Variants in GRIK4 observed in about 807,000 individuals in gnomAD.
GRIK4 encodes the protein glutamate receptor ionotropic, kainate 4.
Under a neutral mutation model 104.9 loss-of-function variants are expected in GRIK4, and 40 were observed. The ratio of observed to expected loss-of-function variants is 0.38; its 90% CI spans 0.30 to 0.50. The LOEUF (loss-of-function observed/expected upper bound fraction) is 0.50. Among genes scored for constraint, GRIK4 ranks in the 20% least tolerant of loss-of-function variants. The pLI, the probability that GRIK4 is intolerant of heterozygous loss-of-function variation, is 0.93. For synonymous variants in GRIK4, 485 were observed against 524.9 expected, an observed-to-expected ratio of 0.92 and a Z score of 1.04; for missense variants, 1,047 against 1,308.1, an observed-to-expected ratio of 0.80 and a Z score of 3.08.
intron 11 of GRIK4, among the ~76,000 whole-genome samples, chr11:120,895,447 A>G (rs1235446897): frequency 6.6e-6 from 1 of 152,150 alleles, no homozygotes; most frequent in Non-Finnish European, 1.5e-5. Flanking sequence ...AGACAGGGAA[A>G]CTGAGCCTCT....
intron 1 of GRIK4, among the ~76,000 whole-genome samples, chr11:120,548,992 G>T (rs1948113516): frequency 6.6e-6 from 1 of 152,190 alleles, no homozygotes. Context: ...CTCCAGGCAG[G>T]CCCAGGACAC....
chr11:120,574,837 C>T (rs781265772), intron 1 of GRIK4, among the ~76,000 whole-genome samples: 7 of 152,136 alleles, frequency 4.6e-5, no homozygotes, highest in Non-Finnish European at 1.0e-4. Context: ...AAGAGGTGTC[C>T]CAGACCCAGG....
rs531684086 is a variant in GRIK4 at position 120,896,010 on chromosome 11, G to C, written c.1165-2522G>C. On this transcript the variant is annotated intron_variant, in intron 11 of 20. Transcript: ENST00000527524. ...CTCGGAGAAAGAGAAAGTGCCTTCC[G>C]CCCTAGCCTCACCAACAACAGCAAT... 7.2e-4 allele frequency among the ~76,000 whole-genome samples: 110 copies of C among 152,280 alleles called. No homozygotes were observed. In the Middle Eastern group the frequency reaches 0.017, roughly 24 times the overall value.
rs998731075 is a variant in GRIK4, at chr11:120,840,114, T to G, written c.744+3270T>G. On this transcript the variant is annotated intron_variant, in intron 8 of 20. Transcript: ENST00000527524. ...TGGGCAAGTCCAGGGAAGGGCCAGG[T>G]CTCTGGTGCAGGGGAAGCTGGGCTC... Among the ~76,000 whole-genome samples the G allele has an allele frequency of 2.0e-5, 3 of 152,044 alleles. No individual in the cohort carries two copies. In the South Asian group the frequency reaches 6.2e-4, roughly 32 times the overall value.
At chr11:120,982,028 A>AT in intron 19 of GRIK4, 78 bp from the exon 20 acceptor site, 1 of 989,286 alleles carries the variant, frequency 1.0e-6, no homozygotes, top group Admixed American at 1.7e-5. Flanking sequence ...TGTTTGAATG[A>AT]TTTTAGTATT....
intron 3 of GRIK4, among the ~76,000 whole-genome samples, chr11:120,742,294 C>T (rs566151114): frequency 1.9e-4 from 28 of 147,072 alleles, no homozygotes; most frequent in Admixed American, 9.7e-4. Flanking sequence ...TGCAGTGAGC[C>T]GAGTTTGCGC....
chr11:120,750,151 T>C (rs1479630778), intron 3 of GRIK4, among the ~76,000 whole-genome samples: 1 of 152,070 alleles, frequency 6.6e-6, no homozygotes, highest in East Asian at 1.9e-4. Flanking sequence ...GACCTGTGGC[T>C]CTTGACTCCC....
rs959201349 is a variant in GRIK4 at position 120,549,899 on chromosome 11, C to A, written c.-159+38012C>A. Among the ~76,000 whole-genome samples the A allele has an allele frequency of 6.6e-6, 1 of 152,208 alleles. No individual in the cohort carries two copies. Among genetic ancestry groups the A allele is most frequent in the Non-Finnish European group, 1.5e-5 (1 of 68,038 alleles). On this transcript the variant is annotated intron_variant, in intron 1 of 20. Transcript: ENST00000527524. This position sits in a 1 kb window ranked among gnomAD's most constrained non-coding sequence, Gnocchi z 4.7. ...TTGAGATGTGAACCTGCGAGGTAGA[C>A]GGCAGCCTCAGCCATTTTGCTATCA...
chr11:120,639,359 T>G (rs1284268190), intron 1 of GRIK4, among the ~76,000 whole-genome samples: 1 of 152,216 alleles, frequency 6.6e-6, no homozygotes, highest in Non-Finnish European at 1.5e-5. Flanking sequence ...ATCTGAGCTC[T>G]GGATGGGAGA....
At chr11:120,559,579 G>A (rs1278824183) in intron 1 of GRIK4, among the ~76,000 whole-genome samples, 1 of 152,130 alleles carries the variant, frequency 6.6e-6, no homozygotes, top group Non-Finnish European at 1.5e-5. Flanking sequence ...AAGTATGCAG[G>A]CCTTCCAAAA....
chr11:120,528,057 G>A (rs556249354), intron 1 of GRIK4, among the ~76,000 whole-genome samples: 28 of 152,290 alleles, frequency 1.8e-4, no homozygotes, highest in East Asian at 1.9e-4. Flanking sequence ...TCGATCTCCC[G>A]GGCTCAGCCG....
chr11:120,844,329 C>A (rs1953799236), intron 8 of GRIK4, among the ~76,000 whole-genome samples: 1 of 152,168 alleles, frequency 6.6e-6, no homozygotes, highest in Non-Finnish European at 1.5e-5. Flanking sequence ...ACACACTCTC[C>A]CAGCACCCTG....
At chr11:120,733,747 T>A (rs2846123) in intron 3 of GRIK4, among the ~76,000 whole-genome samples, 5 of 144,832 alleles carry the variant, frequency 3.5e-5, no homozygotes, top group Non-Finnish European at 7.6e-5. Context: ...TTTTTTTTTT[T>A]TTTTTTTTGA....
chr11:120,937,697 A>G (rs1285790226), intron 13 of GRIK4, among the ~76,000 whole-genome samples: 1 of 152,208 alleles, frequency 6.6e-6, no homozygotes, highest in Non-Finnish European at 1.5e-5. Context: ...TGCTCTGTCC[A>G]GACGTGAGGC....
chr11:120,897,601 C>CAAAAAAAAAAAAAAAA (rs56807699), intron 11 of GRIK4, among the ~76,000 whole-genome samples: 514 of 13,048 alleles, frequency 0.039, 179 homozygotes, highest in Middle Eastern at 0.11. Flanking sequence ...GACTCCTTCT[C>CAAAAAAAAAAAAAAAA]AAAAAAAAAA....
intron 14 of GRIK4, among the ~76,000 whole-genome samples, chr11:120,947,982 G>A (rs765537621): frequency 2.0e-4 from 30 of 152,310 alleles, no homozygotes; most frequent in Admixed American, 5.2e-4. Context: ...GGTGCTTTAC[G>A]TGGATAGGAA....
intron 3 of GRIK4, among the ~76,000 whole-genome samples, chr11:120,662,069 G>A (rs540814952): frequency 3.9e-5 from 6 of 152,316 alleles, no homozygotes; most frequent in African/African-American, 1.2e-4. Flanking sequence ...AATGGGAAGC[G>A]GAAAGGGATT....
intron 9 of GRIK4, chr11:120,871,554 T>A: frequency 2.2e-6 from 1 of 455,888 alleles, no homozygotes. Context: ...ATGGTGAGAA[T>A]TGGGTGTCCT....
At chr11:120,806,011 C>A (rs942455171) in intron 4 of GRIK4, among the ~76,000 whole-genome samples, 3 of 152,192 alleles carry the variant, frequency 2.0e-5, no homozygotes, top group Admixed American at 2.0e-4. Context: ...GCTGTTTAAC[C>A]ATTTTGTGCC....
Sources: gnomAD v4.1 joint callset for allele counts (sites outside exome capture counted in the v4.1 genomes callset) on GRCh38, gnomAD v4.1.1 for gene constraint, Gnocchi (gnomAD v3.1) non-coding constraint, MANE v1.5 for transcripts, NCBI Gene and HGNC (gene_info 2026-07-23, HGNC 2026-07-21) for gene names.